HECW2: variants seen among roughly 807,000 people sequenced by gnomAD.
The protein encoded by HECW2 is HECT, C2 and WW domain containing E3 ubiquitin protein ligase 2, also known as E3 ubiquitin-protein ligase HECW2.
HECW2 carries 61 observed loss-of-function variants against 175.2 expected under a neutral mutation model. The ratio of observed to expected loss-of-function variants is 0.35; its 90% confidence interval spans 0.28 to 0.43. HECW2 has a LOEUF of 0.43. HECW2 is among the 20% of genes least tolerant of loss of function. HECW2 has a pLI of 1.00. For synonymous variants in HECW2, 671 were observed against 731.0 expected (o/e 0.92, Z 1.32); for missense variants, 1,524 against 2,000.5 (o/e 0.76, Z 4.54).
At chr2:196,574,457 C>G (rs1374638578) in intron 1 of HECW2, among the ~76,000 whole-genome samples, 1 of 151,698 alleles carries the variant, frequency 6.6e-6, no homozygotes, top group Non-Finnish European at 1.5e-5. Context: ...GAATAAAATA[C>G]TTAGGAATAA....
chr2:196,556,743 T>C (rs894691956), intron 1 of HECW2, among the ~76,000 whole-genome samples: 1 of 152,174 alleles, frequency 6.6e-6, no homozygotes, highest in South Asian at 2.1e-4. Flanking sequence ...TGGTGTAATC[T>C]TGGAGTGGAG....
In HECW2 at chr2:196,452,191, A is replaced by G. The variant is rs539774930; in HGVS notation, c.-35-18733T>C. 2.0e-5 allele frequency among the ~76,000 whole-genome samples: 3 copies of G among 152,346 alleles called. No individual in the cohort carries two copies. In the South Asian group the frequency reaches 6.2e-4, roughly 32 times the overall value. On this transcript the variant is annotated intron_variant, in intron 1 of 28. Coordinates refer to ENST00000644978, the MANE Select transcript of HECW2 (RefSeq NM_001348768.2). Reference sequence around the variant, plus strand: ...CTAGCCTAAAATGAGATATGCTGCAAGTATAAAATGCACACCAGATTTTAA... The same window carrying G: ...CTAGCCTAAAATGAGATATGCTGCAGGTATAAAATGCACACCAGATTTTAA...
At chr2:196,397,496 C>A (rs1000628722) in intron 2 of HECW2, among the ~76,000 whole-genome samples, 7 of 152,114 alleles carry the variant, frequency 4.6e-5, no homozygotes, top group Non-Finnish European at 1.5e-5. Flanking sequence ...GTGAAGGCAG[C>A]GGAGGGCAAG....
chr2:196,472,813 G>A (rs1244377345), intron 1 of HECW2, among the ~76,000 whole-genome samples: 1 of 152,080 alleles, frequency 6.6e-6, no homozygotes, highest in Non-Finnish European at 1.5e-5. Flanking sequence ...TAGAGACGGG[G>A]TTTCGCCATG....
chr2:196,483,611 G>A (rs900686635), intron 1 of HECW2, among the ~76,000 whole-genome samples: 6 of 152,102 alleles, frequency 3.9e-5, no homozygotes, highest in Admixed American at 6.6e-5. Context: ...TAAAGTATAA[G>A]TCTTACCAAA....
rs376237452 is a variant in HECW2, at chr2:196,563,087, G to A, written c.-36+30421C>T. Among the ~76,000 whole-genome samples, 52 of 152,144 alleles carry A rather than the reference G, an allele frequency of 3.4e-4. No individual in the cohort carries two copies. In the East Asian group the frequency reaches 8.1e-3, roughly 24 times the overall value. On this transcript the variant is annotated intron_variant, in intron 1 of 28. Coordinates refer to ENST00000644978, the MANE Select transcript of HECW2 (RefSeq NM_001348768.2). ...GAAACACACCAGAAACCAGCCTCTTGATATGCTTATAATCTTCAATAATTA... is the reference window on the plus strand; with the variant it reads ...GAAACACACCAGAAACCAGCCTCTTAATATGCTTATAATCTTCAATAATTA...
chr2:196,212,364 C>T (rs2105791422), intron 28 of HECW2, among the ~76,000 whole-genome samples: 1 of 152,220 alleles, frequency 6.6e-6, no homozygotes, highest in African/African-American at 2.4e-5. Flanking sequence ...CTCCACCCTC[C>T]ATTAGGCCCC....
At chr2:196,505,910 G>C (rs935720183) in intron 1 of HECW2, among the ~76,000 whole-genome samples, 2 of 152,228 alleles carry the variant, frequency 1.3e-5, no homozygotes, top group Non-Finnish European at 2.9e-5. Context: ...AGGTAGGGCT[G>C]GGAACAGAAA....
chr2:196,546,036 G>A (rs978056341), intron 1 of HECW2, among the ~76,000 whole-genome samples: 4 of 152,066 alleles, frequency 2.6e-5, no homozygotes, highest in African/African-American at 7.2e-5. Context: ...CTTTAATAAA[G>A]GTGAGTTCTT....
chr2:196,362,656 T>A (rs1023365038), intron 2 of HECW2, among the ~76,000 whole-genome samples: 1 of 152,210 alleles, frequency 6.6e-6, no homozygotes, highest in African/African-American at 2.4e-5. Context: ...CGGTTATCAA[T>A]GCAGAAGTTA....
At position 196,504,249 on chromosome 2, in the gene HECW2, T is replaced by C. The variant is rs185673288; in HGVS notation, c.-35-70791A>G. 5.1e-3 allele frequency among the ~76,000 whole-genome samples: 764 copies of C among 150,248 alleles called. 23 individuals are homozygous for C. Among genetic ancestry groups the C allele is most frequent in the Admixed American group, 0.045 (675 of 14,950 alleles). On this transcript the variant is annotated intron_variant, in intron 1 of 28. Coordinates refer to ENST00000644978, the MANE Select transcript of HECW2 (RefSeq NM_001348768.2). ...AGGCAGATGTTGCAGTGAGCCAAGA[T>C]TGTGCCACTGCACTCCAGCTGGGGG...
intron 1 of HECW2, among the ~76,000 whole-genome samples, chr2:196,561,836 T>A (rs1008366890): frequency 6.6e-6 from 1 of 152,166 alleles, no homozygotes; most frequent in Non-Finnish European, 1.5e-5. Context: ...GAAAGGTAGA[T>A]TCTGAGACTC....
chr2:196,227,262 C>T (rs1687883477), intron 22 of HECW2, among the ~76,000 whole-genome samples: 1 of 152,254 alleles, frequency 6.6e-6, no homozygotes, highest in African/African-American at 2.4e-5. Flanking sequence ...TCCATGAATC[C>T]TGCTCATATT....
intron 2 of HECW2, among the ~76,000 whole-genome samples, chr2:196,415,812 G>A (rs1695239898): frequency 6.6e-6 from 1 of 152,198 alleles, no homozygotes; most frequent in Admixed American, 6.5e-5. Flanking sequence ...GGGAGATCCA[G>A]GACAGTGTCA....
At chr2:196,302,028 A>C (rs1466301058) in intron 13 of HECW2, among the ~76,000 whole-genome samples, 8 of 152,130 alleles carry the variant, frequency 5.3e-5, no homozygotes, top group African/African-American at 1.9e-4. Context: ...CTTTACATTG[A>C]AGTCTTTAGT....
intron 28 of HECW2, among the ~76,000 whole-genome samples, chr2:196,215,489 T>C (rs557586581): frequency 1.1e-4 from 17 of 152,198 alleles, no homozygotes; most frequent in Non-Finnish European, 1.6e-4. Context: ...TAATATCCTT[T>C]AGAAACTACA....
At chr2:196,451,078 T>C (rs887075118) in intron 1 of HECW2, among the ~76,000 whole-genome samples, 1 of 152,142 alleles carries the variant, frequency 6.6e-6, no homozygotes, top group African/African-American at 2.4e-5. Context: ...TTAAAAGGAA[T>C]TGAAACACTG....
intron 1 of HECW2, among the ~76,000 whole-genome samples, chr2:196,549,459 T>G (rs1275276156): frequency 6.6e-6 from 1 of 151,950 alleles, no homozygotes; most frequent in East Asian, 1.9e-4. Flanking sequence ...TTATTTAGAG[T>G]CTTTTTTTTA....
In HECW2 at chr2:196,517,658, T is replaced by C. The variant is rs142443230; in HGVS notation, c.-36+75850A>G. Among the ~76,000 whole-genome samples, 90 of 152,364 alleles carry C rather than the reference T, an allele frequency of 5.9e-4. No individual in the cohort carries two copies. The East Asian group carries it at 9.3e-3, about 16-fold the overall frequency. Reference sequence around the variant, plus strand: ...TTACAGTTACTTGGTCTTAATCATATAATAATACTACAGTTACCTTTTAAA... The same window carrying C: ...TTACAGTTACTTGGTCTTAATCATACAATAATACTACAGTTACCTTTTAAA... On this transcript the variant is annotated intron_variant, in intron 1 of 28. Coordinates refer to ENST00000644978, the MANE Select transcript of HECW2 (RefSeq NM_001348768.2).
Sources: allele counts gnomAD v4.1 joint callset (sites outside exome capture counted in the v4.1 genomes callset), GRCh38; gene constraint gnomAD v4.1.1; transcripts MANE v1.5; gene names NCBI Gene and HGNC (gene_info 2026-07-23, HGNC 2026-07-21).